CUX2: variants seen among roughly 807,000 people sequenced by gnomAD.
CUX2 encodes cut like homeobox 2, also known as homeobox protein cut-like 2.
CUX2 carries 40 observed loss-of-function variants against 144.8 expected under a neutral mutation model. The observed-to-expected ratio is 0.28, with a 90% confidence interval of 0.21 to 0.36. CUX2 has a LOEUF of 0.36. CUX2 is among the 10% of genes least tolerant of loss of function. The pLI is 1.00. For missense variants in CUX2, 1,615 were observed against 1,994.0 expected (o/e 0.81, Z 3.62); for synonymous variants, 827 against 875.6 (o/e 0.94, Z 0.98).
intron 1 of CUX2, among the ~76,000 whole-genome samples, chr12:111,117,143 A>G (rs936061258): frequency 6.6e-6 from 1 of 152,244 alleles, no homozygotes; most frequent in Non-Finnish European, 1.5e-5. Flanking sequence ...TGATATTGCT[A>G]ATAGTAGTCA....
intron 1 of CUX2, among the ~76,000 whole-genome samples, chr12:111,147,478 G>A (rs1876759447): frequency 6.6e-6 from 1 of 152,140 alleles, no homozygotes; most frequent in South Asian, 2.1e-4. Context: ...CCTGCCCAAG[G>A]GGCCCCCTTT....
At chr12:111,095,575 A>T (rs1872770204) in intron 1 of CUX2, among the ~76,000 whole-genome samples, 2 of 152,068 alleles carry the variant, frequency 1.3e-5, no homozygotes, top group Non-Finnish European at 2.9e-5. Context: ...TCCTGGTCTA[A>T]TGAGGTAAGG....
At chr12:111,080,432 G>A (rs1215893219) in intron 1 of CUX2, among the ~76,000 whole-genome samples, 2 of 151,916 alleles carry the variant, frequency 1.3e-5, no homozygotes, top group African/African-American at 2.4e-5. Flanking sequence ...AGCACTTTGG[G>A]AAGCCGAGAT....
intron 9 of CUX2, among the ~76,000 whole-genome samples, chr12:111,300,882 T>G (rs1171115832): frequency 6.6e-6 from 1 of 151,776 alleles, no homozygotes; most frequent in Non-Finnish European, 1.5e-5. Flanking sequence ...TACAAAATAT[T>G]TAAAAACTAT....
chr12:111,047,878 G>GC, intron 1 of CUX2, among the ~76,000 whole-genome samples: 1 of 152,204 alleles, frequency 6.6e-6, no homozygotes, highest in Non-Finnish European at 1.5e-5. Context: ...GATGATGGAG[G>GC]CCCACACTGG....
At chr12:111,202,240 C>T (rs978756160) in intron 1 of CUX2, among the ~76,000 whole-genome samples, 2 of 152,212 alleles carry the variant, frequency 1.3e-5, no homozygotes, top group Non-Finnish European at 2.9e-5. Context: ...CTAAGAGGGG[C>T]ACAAGGGGTC....
intron 1 of CUX2, among the ~76,000 whole-genome samples, chr12:111,164,583 TAAAAA>T (rs1458859203): frequency 3.4e-5 from 5 of 146,744 alleles, no homozygotes; most frequent in Middle Eastern, 3.2e-3. Flanking sequence ...CTCAAAAAAA[TAAAAA>T]AGAAAAAAAA....
chr12:111,219,491 A>G (rs1378218247), intron 3 of CUX2, among the ~76,000 whole-genome samples: 2 of 152,132 alleles, frequency 1.3e-5, no homozygotes, highest in Non-Finnish European at 2.9e-5. Context: ...CAATCCAAAG[A>G]CAGGCATTCA....
At chr12:111,219,078 G>A (rs1881706033) in intron 3 of CUX2, among the ~76,000 whole-genome samples, 1 of 152,118 alleles carries the variant, frequency 6.6e-6, no homozygotes, top group African/African-American at 2.4e-5. Flanking sequence ...CTCACCAGAG[G>A]GGATGCATTT....
intron 1 of CUX2, among the ~76,000 whole-genome samples, chr12:111,166,546 T>G (rs553829154): frequency 1.1e-3 from 167 of 152,346 alleles, no homozygotes; most frequent in Non-Finnish European, 1.9e-3. Context: ...CTCTATGAGG[T>G]ATGAACCCCA....
chr12:111,115,563 T>G (rs1011431425), intron 1 of CUX2, among the ~76,000 whole-genome samples: 2 of 152,106 alleles, frequency 1.3e-5, no homozygotes, highest in African/African-American at 4.8e-5. Flanking sequence ...GGATAAAATT[T>G]CTTAATAATA....
intron 1 of CUX2, chr12:111,099,510 CAA>C: frequency 4.4e-6 from 2 of 455,518 alleles, no homozygotes; most frequent in South Asian, 3.1e-5. Flanking sequence ...GCAGGCAGGG[CAA>C]GTTGTGGGGA....
At chr12:111,056,637 C>G (rs537605030) in intron 1 of CUX2, among the ~76,000 whole-genome samples, 2 of 152,340 alleles carry the variant, frequency 1.3e-5, no homozygotes, top group Non-Finnish European at 2.9e-5. Flanking sequence ...TCACTTCCAT[C>G]TACTCTGCTG....
chr12:111,040,408 C>T (rs1447822727), intron 1 of CUX2, among the ~76,000 whole-genome samples: 1 of 152,102 alleles, frequency 6.6e-6, no homozygotes, highest in Non-Finnish European at 1.5e-5. Context: ...CCCTCTCCAA[C>T]CACTGTACCG....
chr12:111,099,324 C>G, intron 1 of CUX2: 2 of 341,160 alleles, frequency 5.9e-6, no homozygotes, highest in South Asian at 4.7e-5. Context: ...GTGGCAAGAG[C>G]TGAGGCTGGA....
chr12:111,298,436 C>T, intron 8 of CUX2, 105 bp from the exon 9 acceptor site: 1 of 1,228,344 alleles, frequency 8.1e-7, no homozygotes, highest in Non-Finnish European at 1.1e-6. Context: ...GTAGCAAGGC[C>T]TTCAGCCCTC....
chr12:111,331,438 C>CTAGGAA (rs1888117690), intron 18 of CUX2, among the ~76,000 whole-genome samples: 2 of 152,060 alleles, frequency 1.3e-5, no homozygotes, highest in African/African-American at 2.4e-5. Context: ...GCTGGGATTC[C>CTAGGAA]TAGACCCCAC....
chr12:111,052,513 A>G, intron 1 of CUX2, among the ~76,000 whole-genome samples: 1 of 151,768 alleles, frequency 6.6e-6, no homozygotes, highest in East Asian at 1.9e-4. Context: ...TTACGTGTGT[A>G]TGTCTGCATC....
At chr12:111,053,642 C>A (rs1228630634) in intron 1 of CUX2, among the ~76,000 whole-genome samples, 9 of 152,230 alleles carry the variant, frequency 5.9e-5, no homozygotes, top group Non-Finnish European at 1.3e-4. Context: ...TGGGCCCTGG[C>A]CCTCTTTCCC....
Sources: allele counts gnomAD v4.1 joint callset (sites outside exome capture counted in the v4.1 genomes callset), GRCh38; gene constraint gnomAD v4.1.1; transcripts MANE v1.5; gene names NCBI Gene and HGNC (gene_info 2026-07-23, HGNC 2026-07-21).